The following CDKAL1 variants were observed in gnomAD, a reference collection of about 807,000 sequenced individuals.
CDKAL1 encodes the protein threonylcarbamoyladenosine tRNA methylthiotransferase.
Under a neutral mutation model 68.2 loss-of-function variants are expected in CDKAL1, and 32 were observed. That is an observed-to-expected ratio of 0.47 (90% CI 0.35 to 0.63). The LOEUF (loss-of-function observed/expected upper bound fraction) is 0.63. Ranked by LOEUF, CDKAL1 falls within the 30% of genes least tolerant of loss-of-function variation. The pLI is 0.00. For missense variants in CDKAL1, 606 were observed against 696.7 expected (o/e 0.87, Z 1.47); for synonymous variants, 234 against 244.3 (o/e 0.96, Z 0.39).
intron 9 of CDKAL1, among the ~76,000 whole-genome samples, chr6:20,907,199 G>A (rs1762267620): frequency 6.6e-6 from 1 of 152,126 alleles, no homozygotes; most frequent in African/African-American, 2.4e-5. Context: ...TGTCTTAACT[G>A]TATACTTAAA....
At chr6:20,960,061 T>C (rs1355859594) in intron 10 of CDKAL1, among the ~76,000 whole-genome samples, 1 of 152,188 alleles carries the variant, frequency 6.6e-6, no homozygotes, top group Non-Finnish European at 1.5e-5. Context: ...TTTACATGTG[T>C]GATCTGTTTT....
chr6:20,545,437 T>G (rs1422525839), intron 2 of CDKAL1, among the ~76,000 whole-genome samples: 1 of 152,174 alleles, frequency 6.6e-6, no homozygotes, highest in Non-Finnish European at 1.5e-5. Flanking sequence ...TGTCTTAATC[T>G]ATTTTTTCTT....
At chr6:21,034,391 T>C (rs1484417531) in intron 11 of CDKAL1, among the ~76,000 whole-genome samples, 1 of 152,212 alleles carries the variant, frequency 6.6e-6, no homozygotes, top group African/African-American at 2.4e-5. Context: ...GTGCCATCTT[T>C]GTCTTATCAC....
intron 10 of CDKAL1, among the ~76,000 whole-genome samples, chr6:20,980,456 T>C (rs58318631): frequency 0.093 from 14,119 of 151,956 alleles, 1,103 homozygotes; most frequent in African/African-American, 0.22. Flanking sequence ...CCAGGATGGT[T>C]TCAATCTCCT....
rs1053139583 is a variant in CDKAL1 at position 21,014,567 on chromosome 6, C to T, written c.1055+14195C>T. On this transcript the variant is annotated intron_variant, in intron 11 of 15. Coordinates refer to ENST00000274695, the MANE Select transcript of CDKAL1 (RefSeq NM_017774.3). ...CGGAGCTTGCAATGAGCCAAGATCA[C>T]GCCACTGCACTCCAGCCTGGGTGAC... Among the ~76,000 whole-genome samples, 5 of 151,180 alleles carry T rather than the reference C, an allele frequency of 3.3e-5. No individual in the cohort carries two copies. In the East Asian group the frequency reaches 7.8e-4, roughly 24 times the overall value.
intron 13 of CDKAL1, among the ~76,000 whole-genome samples, chr6:21,150,955 C>T (rs543510621): frequency 2.0e-5 from 3 of 152,342 alleles, no homozygotes; most frequent in East Asian, 3.9e-4. Context: ...CAGCCCCATA[C>T]TGCAAAGACT....
chr6:20,600,789 C>CAAATATATATATATATATATATATATAT (rs58795499), intron 4 of CDKAL1, among the ~76,000 whole-genome samples: 1 of 130,480 alleles, frequency 7.7e-6, no homozygotes, highest in Non-Finnish European at 1.6e-5. Flanking sequence ...TATATATATA[C>CAAATATATATATATATATATATATATAT]ACACACACAC....
At chr6:20,758,717 T>A in intron 7 of CDKAL1, 74 bp downstream of exon 7, 1 of 1,010,220 alleles carries the variant, frequency 9.9e-7, no homozygotes, top group Non-Finnish European at 1.5e-6. Flanking sequence ...CTCAGGTAAC[T>A]CTTGCCAGGC....
In CDKAL1 at chr6:21,108,457, T is replaced by A; in HGVS notation, c.1293T>A (p.Asp431Glu). ...TGTTTCATTCTTACAGTCCATATGA[T>A]CACAAGGTAAGAGAAGCATGTTAAT... ...SRVFHSYSPY[D>E]HKIGERQQVL... The change falls in exon 13 of 16, where the codon GAT (aspartate) becomes GAA (glutamate). Residue 431 changes from aspartate to glutamate, a missense_variant. Physicochemically the swap from Asp to Glu is conservative, Grantham distance 45. Coordinates refer to ENST00000274695, the MANE Select transcript of CDKAL1 (RefSeq NM_017774.3). The A allele has an allele frequency of 6.3e-7, 1 of 1,597,752 alleles. No individual in the cohort carries two copies. Among genetic ancestry groups the A allele is most frequent in the Non-Finnish European group, 8.5e-7 (1 of 1,170,832 alleles).
chr6:20,570,526 G>T (rs553210295), intron 4 of CDKAL1, among the ~76,000 whole-genome samples: 1 of 152,112 alleles, frequency 6.6e-6, no homozygotes, highest in East Asian at 1.9e-4. Context: ...TTGGCCTCCC[G>T]AGTAGCTAGG....
At chr6:20,987,280 T>G (rs1232715056) in intron 10 of CDKAL1, among the ~76,000 whole-genome samples, 3 of 147,904 alleles carry the variant, frequency 2.0e-5, no homozygotes, top group Admixed American at 2.0e-4. Context: ...TTTTTTTTTT[T>G]GAGACAGAGA....
At chr6:20,813,774 C>T (rs1776920724) in intron 8 of CDKAL1, among the ~76,000 whole-genome samples, 1 of 152,104 alleles carries the variant, frequency 6.6e-6, no homozygotes, top group African/African-American at 2.4e-5. Context: ...TTTCTGAACT[C>T]TCTGTTCTGT....
At chr6:20,831,442 C>G (rs964245601) in intron 8 of CDKAL1, among the ~76,000 whole-genome samples, 2 of 152,060 alleles carry the variant, frequency 1.3e-5, no homozygotes, top group Non-Finnish European at 2.9e-5. Context: ...GAATTGGGCC[C>G]TTTCTGCTGA....
intron 11 of CDKAL1, among the ~76,000 whole-genome samples, chr6:21,062,681 T>C (rs1427428408): frequency 6.6e-6 from 1 of 152,138 alleles, no homozygotes; most frequent in Non-Finnish European, 1.5e-5. Flanking sequence ...CAAGAATAAA[T>C]TAGGAACAAA....
intron 10 of CDKAL1, among the ~76,000 whole-genome samples, chr6:20,976,046 C>T (rs953864342): frequency 6.6e-6 from 1 of 152,180 alleles, no homozygotes; most frequent in Non-Finnish European, 1.5e-5. Flanking sequence ...CTCCCTTCTT[C>T]TAGCCCCAGA....
chr6:20,596,243 C>G (rs1765817605), intron 4 of CDKAL1, among the ~76,000 whole-genome samples: 1 of 152,208 alleles, frequency 6.6e-6, no homozygotes, highest in South Asian at 2.1e-4. Flanking sequence ...ATGTTTAAGT[C>G]TGCTGAAGCT....
chr6:20,563,964 G>A (rs937184843), intron 4 of CDKAL1, among the ~76,000 whole-genome samples: 1 of 152,110 alleles, frequency 6.6e-6, no homozygotes, highest in Admixed American at 6.6e-5. Flanking sequence ...TTAAGCCAGC[G>A]ATGGCTCAAT....
chr6:21,027,903 C>T (rs899615191), intron 11 of CDKAL1, among the ~76,000 whole-genome samples: 1 of 152,142 alleles, frequency 6.6e-6, no homozygotes, highest in Non-Finnish European at 1.5e-5. Flanking sequence ...GGGATAAGAG[C>T]CTGTGCAGAG....
At chr6:20,805,755 C>T (rs943305885) in intron 8 of CDKAL1, among the ~76,000 whole-genome samples, 15 of 152,142 alleles carry the variant, frequency 9.9e-5, no homozygotes, top group African/African-American at 3.6e-4. Context: ...ACTATAACCA[C>T]TGTAAGTTTC....
Sources: allele counts gnomAD v4.1 joint callset (sites outside exome capture counted in the v4.1 genomes callset), GRCh38; gene constraint gnomAD v4.1.1; transcripts MANE v1.5; gene names NCBI Gene and HGNC (gene_info 2026-07-23, HGNC 2026-07-21).